The following SPTBN1 variants were observed in gnomAD, a reference collection of about 807,000 sequenced individuals.
SPTBN1 encodes the protein spectrin beta chain, non-erythrocytic 1.
In SPTBN1, 32 loss-of-function variants were observed where a neutral mutation model predicts 266.4. That is an observed-to-expected ratio of 0.12 (90% CI 0.09 to 0.16). The LOEUF (loss-of-function observed/expected upper bound fraction) is 0.16, where lower values mean the gene tolerates loss of function less well. Ranked by LOEUF, SPTBN1 falls within the 10% of genes least tolerant of loss-of-function variation. The pLI is 1.00. For synonymous variants in SPTBN1, 1,336 were observed against 1,162.2 expected (o/e 1.15, Z -3.04); for missense variants, 2,296 against 3,067.1 (o/e 0.75, Z 5.94).
At chr2:54,625,134 T>C (rs944205859) in intron 11 of SPTBN1, among the ~76,000 whole-genome samples, 172 bp downstream of exon 11, 3 of 152,228 alleles carry the variant, frequency 2.0e-5, no homozygotes, top group South Asian at 2.1e-4. Flanking sequence ...ATTTCTAATA[T>C]ACATTTCTAT....
intron 17 of SPTBN1, 133 bp from the exon 18 acceptor site, chr2:54,637,580 T>G: frequency 1.4e-6 from 1 of 703,992 alleles, no homozygotes; most frequent in Non-Finnish European, 2.3e-6. Flanking sequence ...CTTGTCTCCT[T>G]CACATTATTG....
At position 54,645,169 on chromosome 2, in the gene SPTBN1, G is replaced by C. The variant is rs1037701351; in HGVS notation, c.4270-60G>C. On this transcript the variant is annotated intron_variant, in intron 20 of 35. Transcript: ENST00000356805. This position sits in a 1 kb window ranked among gnomAD's most constrained non-coding sequence, Gnocchi z 4.3. ...GTCCCAGGCCCAGCAGTTCTGCTTA[G>C]AGCCAGTCACTGCAAAAGATAGTCT... 44 of 1,580,822 alleles carry C rather than the reference G, an allele frequency of 2.8e-5. No homozygotes were observed. The Middle Eastern group carries it at 5.2e-4, about 19-fold the overall frequency.
intron 24 of SPTBN1, among the ~76,000 whole-genome samples, chr2:54,648,415 G>T (rs1680056715): frequency 6.6e-6 from 1 of 152,192 alleles, no homozygotes; most frequent in South Asian, 2.1e-4. Flanking sequence ...TGGGAATCAT[G>T]AGATGGAGCA....
chr2:54,629,254 A>G lies in SPTBN1; in HGVS notation c.2120A>G (p.Glu707Gly), dbSNP rs1182416997. Residue 707 changes from glutamate to glycine, a missense_variant, in exon 14 of 36, where the codon GAG (glutamate) becomes GGG (glycine). By Grantham distance (98) the Glu-to-Gly change is moderately conservative (BLOSUM62 -2). This residue lies in a region of SPTBN1 where 434 missense variants were observed against 573.9 expected (regional missense o/e 0.76). Coordinates refer to ENST00000356805, the MANE Select transcript of SPTBN1 (RefSeq NM_003128.3). ...AIKEGEDMIAEEHFGSEKIRE... is the reference protein window; with the variant it reads ...AIKEGEDMIAGEHFGSEKIRE... ...AAGGAAGGCGAAGACATGATCGCGG[A>G]GGAGCACTTCGGGTCGGAGAAGATC... is the stretch of plus-strand genomic sequence containing the variant. 6.2e-7 allele frequency: 1 copy of G among 1,614,024 alleles called. No individual in the cohort carries two copies. The highest frequency in any genetic ancestry group is 8.5e-7 in the Non-Finnish European group (1 of 1,180,042).
At chr2:54,464,614 A>C (rs550964509) in intron 1 of SPTBN1, among the ~76,000 whole-genome samples, 1 of 152,330 alleles carries the variant, frequency 6.6e-6, no homozygotes, top group South Asian at 2.1e-4. Flanking sequence ...AGAAGAATGC[A>C]GTAAATAATA....
intron 2 of SPTBN1, among the ~76,000 whole-genome samples, chr2:54,571,064 A>G (rs116489573): frequency 0.011 from 1,608 of 152,234 alleles, 13 homozygotes; most frequent in Admixed American, 0.018. Flanking sequence ...ATTACACACT[A>G]TCTGCAAACA....
At chr2:54,538,125 T>C (rs933289931) in intron 2 of SPTBN1, among the ~76,000 whole-genome samples, 4 of 152,220 alleles carry the variant, frequency 2.6e-5, no homozygotes, top group African/African-American at 9.6e-5. Context: ...GGTTGGTTAC[T>C]TAAAAAAAAG....
chr2:54,549,994 G>A (rs941328161), intron 2 of SPTBN1, among the ~76,000 whole-genome samples: 16 of 152,164 alleles, frequency 1.1e-4, no homozygotes, highest in Admixed American at 3.9e-4. Flanking sequence ...ATGCCATCCT[G>A]GTCATGCACT....
intron 1 of SPTBN1, among the ~76,000 whole-genome samples, chr2:54,498,458 T>C (rs1261783523): frequency 6.6e-6 from 1 of 152,224 alleles, no homozygotes; most frequent in Non-Finnish European, 1.5e-5. Flanking sequence ...TCTGTGACCT[T>C]GGACAACATT....
intron 1 of SPTBN1, among the ~76,000 whole-genome samples, chr2:54,484,809 C>T (rs909793904): frequency 3.3e-5 from 5 of 152,156 alleles, no homozygotes; most frequent in Admixed American, 6.5e-5. Context: ...CAATGTGGCT[C>T]ATTCCAGGCC....
chr2:54,654,996 T>C, intron 27 of SPTBN1, 74 bp from the exon 28 acceptor site: 1 of 1,497,976 alleles, frequency 6.7e-7, no homozygotes, highest in Non-Finnish European at 9.0e-7. Flanking sequence ...TTCAAATTAA[T>C]TGTGTGTTTT....
chr2:54,506,022 G>A (rs1669533212), intron 1 of SPTBN1, among the ~76,000 whole-genome samples: 1 of 152,046 alleles, frequency 6.6e-6, no homozygotes, highest in Admixed American at 6.6e-5. Flanking sequence ...TACTTGGGAG[G>A]TTGAGGCAGG....
rs200396707 is a variant in SPTBN1, at chr2:54,628,087, T to C, written c.1645-10T>C. ...TCACAGATGTCCTTTTGGTTGCTTC[T>C]TGTGCACAGGTGCTAGTATTGTCTC... On this transcript the variant is annotated splice_polypyrimidine_tract_variant and intron_variant, in intron 12 of 35. Coordinates refer to ENST00000356805, the MANE Select transcript of SPTBN1 (RefSeq NM_003128.3). The surrounding 1 kb of genome is among the most constrained non-coding windows in gnomAD (Gnocchi z 4.3). The C allele has an allele frequency of 5.0e-6, 8 of 1,602,764 alleles. No individual in the cohort carries two copies. The East Asian group carries it at 1.6e-4, about 32-fold the overall frequency.
At chr2:54,500,864 C>T (rs183713244) in intron 1 of SPTBN1, among the ~76,000 whole-genome samples, 1 of 152,286 alleles carries the variant, frequency 6.6e-6, no homozygotes, top group Admixed American at 6.5e-5. Context: ...GATCTTGATG[C>T]TCACTCATAC....
intron 1 of SPTBN1, among the ~76,000 whole-genome samples, chr2:54,468,360 A>G (rs1383125719): frequency 1.3e-5 from 2 of 152,030 alleles, no homozygotes; most frequent in East Asian, 1.9e-4. Context: ...ATATGTGTGT[A>G]TATATATTTA....
intron 2 of SPTBN1, among the ~76,000 whole-genome samples, chr2:54,539,647 C>T (rs1002531204): frequency 6.6e-6 from 1 of 152,222 alleles, no homozygotes; most frequent in African/African-American, 2.4e-5. Flanking sequence ...TCAAGTCATC[C>T]TCCCACCTCA....
intron 1 of SPTBN1, among the ~76,000 whole-genome samples, chr2:54,484,159 C>G (rs952169451): frequency 7.2e-5 from 11 of 152,188 alleles, no homozygotes; most frequent in African/African-American, 2.7e-4. Flanking sequence ...GCACTCCATC[C>G]TGGGGGACAG....
chr2:54,521,993 G>A (rs915361091), intron 1 of SPTBN1, among the ~76,000 whole-genome samples: 33 of 151,974 alleles, frequency 2.2e-4, no homozygotes, highest in African/African-American at 1.7e-4. Flanking sequence ...CACCTCCCTG[G>A]CTCGAGTGGT....
intron 1 of SPTBN1, among the ~76,000 whole-genome samples, chr2:54,521,136 C>T (rs1014060568): frequency 7.9e-5 from 12 of 152,222 alleles, no homozygotes; most frequent in Non-Finnish European, 1.8e-4. Flanking sequence ...AAACTGTCCT[C>T]ACAGCTGGCC....
Sources: allele counts gnomAD v4.1 joint callset (sites outside exome capture counted in the v4.1 genomes callset), GRCh38; gene constraint gnomAD v4.1.1; regional missense constraint gnomAD v4.1.1; non-coding constraint Gnocchi (gnomAD v3.1); transcripts MANE v1.5; gene names NCBI Gene and HGNC (gene_info 2026-07-23, HGNC 2026-07-21).